The following TBCD variants were observed in gnomAD, a reference collection of about 807,000 sequenced individuals.
The protein encoded by TBCD is tubulin folding cofactor D, also known as tubulin-specific chaperone D.
TBCD carries 105 observed loss-of-function variants against 169.3 expected under a neutral mutation model. The observed-to-expected ratio is 0.62, with a 90% CI of 0.53 to 0.73. TBCD has a LOEUF of 0.73. Among genes scored for constraint, TBCD ranks in the 30% least tolerant of loss-of-function variants. TBCD has a pLI of 0.00. For synonymous variants in TBCD, 700 were observed against 643.9 expected (o/e 1.09, Z -1.32); for missense variants, 1,444 against 1,600.1 (o/e 0.90, Z 1.66).
chr17:82,942,275 G>A (rs2063376603), intron 38 of TBCD, 174 bp from the exon 39 acceptor site: 1 of 833,492 alleles, frequency 1.2e-6, no homozygotes, highest in African/African-American at 1.7e-5. Flanking sequence ...CGTTAGTCAT[G>A]AGCACCTGTC....
chr17:82,761,643 C>T (rs1312368415), intron 2 of TBCD, among the ~76,000 whole-genome samples: 7 of 152,170 alleles, frequency 4.6e-5, no homozygotes, highest in South Asian at 2.1e-4. Flanking sequence ...ATAACATCTC[C>T]GGGACTTACC....
intron 13 of TBCD, chr17:82,830,080 C>T: frequency 6.2e-7 from 1 of 1,608,148 alleles, no homozygotes; most frequent in South Asian, 1.1e-5. Flanking sequence ...GGTGTTGTAG[C>T]TTGCCACCTT....
rs540465527 is a variant in TBCD at position 82,889,259 on chromosome 17, G to A, written c.1534-409G>A. Among the ~76,000 whole-genome samples the A allele has an allele frequency of 2.6e-5, 4 of 152,226 alleles. No homozygotes were observed. The highest frequency in any genetic ancestry group is 7.2e-5 in the African/African-American group (3 of 41,556). ...GACACCGTGCCATGGGTGCGGGCAG[G>A]GCGCCCTCCCTGGAGGGCGGCACGT... On this transcript the variant is annotated intron_variant, in intron 15 of 38. Transcript: ENST00000355528. The surrounding 1 kb of genome is among the most constrained non-coding windows in gnomAD (Gnocchi z 5.3).
At chr17:82,898,517 G>A (rs1168869424) in intron 17 of TBCD, among the ~76,000 whole-genome samples, 1 of 152,196 alleles carries the variant, frequency 6.6e-6, no homozygotes, top group Non-Finnish European at 1.5e-5. Context: ...TGAAGTGTGT[G>A]TGTATTTTCT....
intron 25 of TBCD, among the ~76,000 whole-genome samples, chr17:82,921,882 C>T (rs982450952): frequency 2.6e-5 from 4 of 152,026 alleles, no homozygotes; most frequent in African/African-American, 7.2e-5. Flanking sequence ...TGTTGAGTTC[C>T]GTGTCCTGTA....
chr17:82,931,429 C>T (rs2062191918), intron 33 of TBCD, among the ~76,000 whole-genome samples: 1 of 152,266 alleles, frequency 6.6e-6, no homozygotes, highest in African/African-American at 2.4e-5. Flanking sequence ...TGCCCCTGAC[C>T]TGCGTCACCA....
chr17:82,780,745 C>T (rs1209573609), intron 6 of TBCD, among the ~76,000 whole-genome samples: 3 of 143,406 alleles, frequency 2.1e-5, no homozygotes, highest in Admixed American at 1.5e-4. Context: ...CCCGGGTTCA[C>T]GCGATTCTCT....
At chr17:82,905,836 G>A (rs1339228073) in intron 19 of TBCD, 100 bp from the exon 20 acceptor site, 12 of 874,772 alleles carry the variant, frequency 1.4e-5, no homozygotes, top group South Asian at 6.6e-5. Context: ...TGTGCACGCC[G>A]TCGCCTGCCC....
In TBCD at chr17:82,917,963, G is replaced by T. The variant is rs183216330; in HGVS notation, c.2039-2593G>T. 8.2e-3 allele frequency among the ~76,000 whole-genome samples: 1,253 copies of T among 152,284 alleles called. 4 individuals carry two copies. The highest frequency in any genetic ancestry group is 0.012 in the Non-Finnish European group (814 of 68,024). On this transcript the variant is annotated intron_variant, in intron 23 of 38. Transcript: ENST00000355528. ...CTTCCTGTGTGTTTTCATTTTGTCT[G>T]GCTTTTAAAAATGTCTTAGTGGAGG...
At position 82,870,340 on chromosome 17, in the gene TBCD, G is replaced by A. The variant is rs780565041; in HGVS notation, c.1435G>A (p.Glu479Lys). The change falls in exon 14 of 39, where the codon GAG (glutamate) becomes AAG (lysine). Residue 479 changes from glutamate to lysine, a missense_variant. Coordinates refer to ENST00000355528, the MANE Select transcript of TBCD (RefSeq NM_005993.5). Reference protein sequence around the residue: ...YVCWAFARAYEPQELKPFVTA... With the variant: ...YVCWAFARAYKPQELKPFVTA... The stretch of plus-strand genomic sequence containing the variant: ...GTGCTGGGCCTTCGCGCGTGCCTAT[G>A]AGCCTCAGGAGCTGAAGCCCTTTGT... 1 of 1,613,320 alleles carries A rather than the reference G, an allele frequency of 6.2e-7. No homozygotes were observed.
intron 2 of TBCD, 90 bp downstream of exon 2, chr17:82,756,305 C>T: frequency 7.5e-7 from 1 of 1,334,786 alleles, no homozygotes; most frequent in Non-Finnish European, 1.1e-6. Context: ...ATGTGCTTTG[C>T]CAGGATCAAA....
intron 13 of TBCD, among the ~76,000 whole-genome samples, chr17:82,841,271 T>G (rs1487322665): frequency 6.6e-6 from 1 of 152,022 alleles, no homozygotes; most frequent in African/African-American, 2.4e-5. Flanking sequence ...TTTTTTTCCT[T>G]AAGACTTAAG....
chr17:82,911,215 C>T (rs915398245), intron 22 of TBCD, among the ~76,000 whole-genome samples: 1 of 152,218 alleles, frequency 6.6e-6, no homozygotes, highest in Non-Finnish European at 1.5e-5. Flanking sequence ...GAGGGGACAT[C>T]CAACCCTGCC....
At chr17:82,802,476 G>T (rs957318227) in intron 9 of TBCD, among the ~76,000 whole-genome samples, 39 of 152,198 alleles carry the variant, frequency 2.6e-4, no homozygotes, top group Non-Finnish European at 5.1e-4. Context: ...GCTGTACCAG[G>T]CAGGGTTCTC....
chr17:82,918,959 C>A (rs568999867), intron 23 of TBCD, among the ~76,000 whole-genome samples: 1 of 152,100 alleles, frequency 6.6e-6, no homozygotes, highest in African/African-American at 2.4e-5. Context: ...AAGGTAAAGT[C>A]GTATCTAAAA....
intron 2 of TBCD, among the ~76,000 whole-genome samples, chr17:82,760,428 T>C (rs1393293950): frequency 6.6e-6 from 1 of 152,228 alleles, no homozygotes; most frequent in Non-Finnish European, 1.5e-5. Context: ...TGAAGGTTGG[T>C]GATTTTCTTT....
Position 82,927,176 on chromosome 17 carries a change from T to G in TBCD, c.2472-10T>G. 6.2e-7 allele frequency: 1 copy of G among 1,614,010 alleles called. No individual in the cohort carries two copies. The highest frequency in any genetic ancestry group is 8.5e-7 in the Non-Finnish European group (1 of 1,179,876). On this transcript the variant is annotated splice_polypyrimidine_tract_variant and intron_variant, in intron 28 of 38. Transcript: ENST00000355528. ...TGTTTGTTTGTTAGCTCACACATTTTAAATTTCAGGATTTGCCAGACTGTT... is the reference window on the plus strand; with the variant it reads ...TGTTTGTTTGTTAGCTCACACATTTGAAATTTCAGGATTTGCCAGACTGTT...
At position 82,915,843 on chromosome 17, in the gene TBCD, C is replaced by G. The variant is rs1012584960; in HGVS notation, c.2038+4054C>G. Among the ~76,000 whole-genome samples, 4 of 152,148 alleles carry G rather than the reference C, an allele frequency of 2.6e-5. No individual in the cohort carries two copies. The highest frequency in any genetic ancestry group is 5.9e-5 in the Non-Finnish European group (4 of 68,038). On this transcript the variant is annotated intron_variant, in intron 23 of 38. Coordinates refer to ENST00000355528, the MANE Select transcript of TBCD (RefSeq NM_005993.5). The surrounding 1 kb of genome is among the most constrained non-coding windows in gnomAD (Gnocchi z 4.3). Reference sequence around the variant, plus strand: ...GCCACAGGTGTGTGGAGGATCGTGACTTAGCAAGCCGGGGACACGCTGTTA... The same window carrying G: ...GCCACAGGTGTGTGGAGGATCGTGAGTTAGCAAGCCGGGGACACGCTGTTA...
chr17:82,910,490 C>T (rs1020864325), intron 22 of TBCD, among the ~76,000 whole-genome samples: 1 of 152,174 alleles, frequency 6.6e-6, no homozygotes, highest in Admixed American at 6.5e-5. Flanking sequence ...TTCATATATT[C>T]CAGATGCCAG....
Sources: gnomAD v4.1 joint callset for allele counts (sites outside exome capture counted in the v4.1 genomes callset) on GRCh38, gnomAD v4.1.1 for gene constraint, Gnocchi (gnomAD v3.1) non-coding constraint, MANE v1.5 for transcripts, NCBI Gene and HGNC (gene_info 2026-07-23, HGNC 2026-07-21) for gene names.